GALNT15: variants seen among roughly 807,000 people sequenced by gnomAD.
GALNT15 encodes polypeptide N-acetylgalactosaminyltransferase 15, also known as UDP-GalNAc transferase T15.
GALNT15 carries 67 observed loss-of-function variants against 66.8 expected under a neutral mutation model. The ratio of observed to expected loss-of-function variants is 1.00; its 90% confidence interval spans 0.82 to 1.23. The LOEUF is 1.23. Among genes scored for constraint, GALNT15 ranks in the 50% most tolerant of loss-of-function variants. The pLI is 0.00. For missense variants in GALNT15, 827 were observed against 804.3 expected (o/e 1.03, Z -0.34); for synonymous variants, 313 against 311.5 (o/e 1.00, Z -0.05).
At chr3:16,215,100 G>A (rs1434507587) in intron 6 of GALNT15, among the ~76,000 whole-genome samples, 1 of 151,990 alleles carries the variant, frequency 6.6e-6, no homozygotes, top group Non-Finnish European at 1.5e-5. Context: ...CCACCAGACA[G>A]GGTCATTAGG....
the GALNT15 span, among the ~76,000 whole-genome samples, chr3:16,238,434 ATGT>A: frequency 6.6e-6 from 1 of 152,078 alleles, no homozygotes; most frequent in African/African-American, 2.4e-5. The surrounding 1 kb of genome is among the most constrained non-coding windows in gnomAD (Gnocchi z 4.8). Context: ...TACTATTGTA[ATGT>A]TGTTACAATA....
intron 1 of GALNT15, among the ~76,000 whole-genome samples, chr3:16,178,305 T>C (rs1259175014): frequency 6.6e-6 from 1 of 152,204 alleles, no homozygotes; most frequent in Non-Finnish European, 1.5e-5. Flanking sequence ...TATGTGTGTG[T>C]GCAACACTTC....
chr3:16,219,762 G>A lies in GALNT15; in HGVS notation c.1525-148G>A. The A allele has an allele frequency of 1.1e-6, 1 of 871,884 alleles. No individual in the cohort carries two copies. The highest frequency in any genetic ancestry group is 1.9e-6 in the Non-Finnish European group (1 of 531,328). 54.0% of individuals were successfully genotyped at this position (871,884 alleles called of 1,614,324 possible). ...AAGAGGCCTGTCCCTTAGGGTCAGT[G>A]GCTTCAGCTTTACCACACCTGTTGT... On this transcript the variant is annotated intron_variant, in intron 7 of 9. Coordinates refer to ENST00000339732, the MANE Select transcript of GALNT15 (RefSeq NM_054110.5). This position sits in a 1 kb window ranked among gnomAD's most constrained non-coding sequence, Gnocchi z 4.3.
chr3:16,195,515 A>G lies in GALNT15; in HGVS notation c.540-245A>G, dbSNP rs1234401003. ...CTGAGGATGACGGCAACGCTTCTCA[A>G]TTGCAATGAGAGGGACTTTGGATTA... On this transcript the variant is annotated intron_variant, in intron 1 of 9. Transcript: ENST00000339732. This position sits in a 1 kb window ranked among gnomAD's most constrained non-coding sequence, Gnocchi z 4.6. 6.6e-6 allele frequency among the ~76,000 whole-genome samples: 1 copy of G among 152,206 alleles called. No individual in the cohort carries two copies. Among genetic ancestry groups the G allele is most frequent in the Non-Finnish European group, 1.5e-5 (1 of 68,034 alleles).
At chr3:16,233,844 T>C (rs1363925622), downstream of GALNT15, among the ~76,000 whole-genome samples, 2 of 152,162 alleles carry the variant, frequency 1.3e-5, no homozygotes, top group African/African-American at 2.4e-5. Flanking sequence ...AGGGAATCCA[T>C]AGTGTGGGGG....
At chr3:16,240,219 T>C in the GALNT15 span, among the ~76,000 whole-genome samples, 1 of 152,236 alleles carries the variant, frequency 6.6e-6, no homozygotes, top group African/African-American at 2.4e-5. Context: ...ACAAACCAGA[T>C]TATAATGCCC....
At position 16,200,311 on chromosome 3, in the gene GALNT15, A is replaced by G. The variant is rs2063685728; in HGVS notation, c.707-308A>G. 6.6e-6 allele frequency among the ~76,000 whole-genome samples: 1 copy of G among 152,160 alleles called. No homozygotes were observed. Among genetic ancestry groups the G allele is most frequent in the Non-Finnish European group, 1.5e-5 (1 of 68,024 alleles). ...GATCTGGGTGGGGACAAAGAGCCAA[A>G]CCATATCAGACACCAACAGTATCTG... On this transcript the variant is annotated intron_variant, in intron 2 of 9. Transcript: ENST00000339732. The surrounding 1 kb of genome is among the most constrained non-coding windows in gnomAD (Gnocchi z 4.4).
chr3:16,224,632 C>CTAT lies in GALNT15; in HGVS notation c.1773+1875_1773+1876insATT, dbSNP rs1248983437. On this transcript the variant is annotated intron_variant, in intron 9 of 9. Transcript: ENST00000339732. The surrounding 1 kb of genome is among the most constrained non-coding windows in gnomAD (Gnocchi z 5.2). ...TTTAACACTATTGTAGTAGGCTATT[C>CTAT]TTTTTTTTTTTTTTTTTTTTAAAGA... 3.5e-3 allele frequency among the ~76,000 whole-genome samples: 456 copies of CTAT among 131,964 alleles called. 3 individuals carry two copies. The highest frequency in any genetic ancestry group is 0.012 in the African/African-American group (428 of 35,378). 86.6% of individuals were successfully genotyped at this position (131,964 alleles called of 152,430 possible).
At chr3:16,245,480 A>G in the GALNT15 span, among the ~76,000 whole-genome samples, 1 of 152,380 alleles carries the variant, frequency 6.6e-6, no homozygotes, top group African/African-American at 2.4e-5. Context: ...ATCCTGCCAC[A>G]GGGCCCTTGG....
chr3:16,232,390 A>G (rs541436567), downstream of GALNT15, among the ~76,000 whole-genome samples: 2 of 148,784 alleles, frequency 1.3e-5, no homozygotes, highest in South Asian at 4.3e-4. Flanking sequence ...ACATAGTAAG[A>G]CCCTATCTCT....
rs1371230998 is a variant in GALNT15 at position 16,175,596 on chromosome 3, T to A, written c.445T>A (p.Leu149Met). ...EDGEVSEEEE[L>M]TPFSLDPRGL... is the part of the protein sequence containing the mutation. ...CGGGGAGGTGTCTGAAGAAGAGGAG[T>A]TGACCCCGTTCAGCCTGGACCCACG... Residue 149 changes from leucine to methionine, a missense_variant, in exon 1 of 10, where the codon TTG becomes ATG. Coordinates refer to ENST00000339732, the MANE Select transcript of GALNT15 (RefSeq NM_054110.5). The surrounding 1 kb of genome is among the most constrained non-coding windows in gnomAD (Gnocchi z 5.6). 6.2e-7 allele frequency: 1 copy of A among 1,612,980 alleles called. No individual in the cohort carries two copies. The highest frequency in any genetic ancestry group is 1.3e-5 in the African/African-American group (1 of 74,744).
chr3:16,199,294 G>A (rs1394905), intron 2 of GALNT15, among the ~76,000 whole-genome samples: 98,436 of 139,252 alleles, frequency 0.71, 39,576 homozygotes, highest in East Asian at 1. Flanking sequence ...CATCCTTTCC[G>A]TCATCTTCTT....
At chr3:16,247,097 AGTGTGTGTGTGTGTGT>A in the GALNT15 span, among the ~76,000 whole-genome samples, 10 of 144,800 alleles carry the variant, frequency 6.9e-5, no homozygotes, top group Non-Finnish European at 1.5e-4. Context: ...CAAAGACTGT[AGTGTGTGTGTGTGTGT>A]GTGTGTGTGT....
chr3:16,231,569 TA>T (rs1398604601), downstream of GALNT15, among the ~76,000 whole-genome samples: 1 of 152,138 alleles, frequency 6.6e-6, no homozygotes, highest in Non-Finnish European at 1.5e-5. This position sits in a 1 kb window ranked among gnomAD's most constrained non-coding sequence, Gnocchi z 4.1. Flanking sequence ...TGGTTTGGCT[TA>T]AAAAAAGAAT....
rs564538329 is a variant in GALNT15 at position 16,195,371 on chromosome 3, C to T, written c.540-389C>T. ...ATCTCCAGAAACTCTGGGGGTGGGC[C>T]CTGCAGTCAGTATTTTAAAAATCCC... On this transcript the variant is annotated intron_variant, in intron 1 of 9. Transcript: ENST00000339732. The surrounding 1 kb of genome is among the most constrained non-coding windows in gnomAD (Gnocchi z 4.6). Among the ~76,000 whole-genome samples, 3 of 152,266 alleles carry T rather than the reference C, an allele frequency of 2.0e-5. No individual in the cohort carries two copies. The South Asian group carries it at 6.2e-4, about 32-fold the overall frequency.
rs2064049690 is a variant in GALNT15 at position 16,228,662 on chromosome 3, A to C, written c.*1162A>C. On this transcript the variant is annotated 3_prime_UTR_variant, in exon 10 of 10. Coordinates refer to ENST00000339732, the MANE Select transcript of GALNT15 (RefSeq NM_054110.5). ...TCTCAAAAAAAAAAAAAAAGAGAGA[A>C]ACTCTCCTGATGCCCTGTTACAGGG... is the stretch of plus-strand genomic sequence containing the variant. 1 of 984,926 alleles carries C rather than the reference A, an allele frequency of 1.0e-6. No individual in the cohort carries two copies. The highest frequency in any genetic ancestry group is 1.2e-6 in the Non-Finnish European group (1 of 829,988). The allele number at this position is 984,926 out of a possible 1,614,324, so 61.0% of individuals were successfully genotyped here.
At chr3:16,239,816 G>A in the GALNT15 span, among the ~76,000 whole-genome samples, 3 of 152,190 alleles carry the variant, frequency 2.0e-5, no homozygotes, top group Non-Finnish European at 4.4e-5. The surrounding 1 kb of genome is among the most constrained non-coding windows in gnomAD (Gnocchi z 5.2). Context: ...GCTTCCCATG[G>A]GATATATGAT....
intron 5 of GALNT15, among the ~76,000 whole-genome samples, chr3:16,212,049 AATG>A (rs2063821195): frequency 6.6e-6 from 1 of 152,178 alleles, no homozygotes; most frequent in African/African-American, 2.4e-5. Flanking sequence ...CTTCCTGCCG[AATG>A]AACTCCAGCC....
rs779300242 is a variant in GALNT15, at chr3:16,212,651, C to G, written c.1280C>G (p.Pro427Arg). ...TACCAAAATCAGGATTCCCATTCCC[C>G]CCTCGACCAGGAGGCCACCCTGAGG... ...HIYQNQDSHS[P>R]LDQEATLRNR... The change falls in exon 6 of 10, where the codon CCC becomes CGC. Residue 427 changes from proline to arginine, a missense_variant. Pro to Arg is a moderately radical substitution (Grantham distance 103). Coordinates refer to ENST00000339732, the MANE Select transcript of GALNT15 (RefSeq NM_054110.5). 5.0e-6 allele frequency: 8 copies of G among 1,613,846 alleles called. No homozygotes were observed. Among genetic ancestry groups the G allele is most frequent in the Admixed American group, 1.7e-5 (1 of 59,998 alleles).
Sources: gnomAD v4.1 joint callset for allele counts (sites outside exome capture counted in the v4.1 genomes callset) on GRCh38, gnomAD v4.1.1 for gene constraint, Gnocchi (gnomAD v3.1) non-coding constraint, MANE v1.5 for transcripts, NCBI Gene and HGNC (gene_info 2026-07-23, HGNC 2026-07-21) for gene names.